The following TAOK1 variants were observed in gnomAD, a reference collection of about 807,000 sequenced individuals.
TAOK1 encodes TAO kinase 1.
TAOK1 carries 21 observed loss-of-function variants against 138.3 expected under a neutral mutation model. The observed-to-expected ratio is 0.15, with a 90% CI of 0.11 to 0.22. The LOEUF is 0.22. Ranked by LOEUF, TAOK1 falls within the 10% of genes least tolerant of loss-of-function variation. The pLI is 1.00. For missense variants in TAOK1, 651 were observed against 1,227.7 expected (o/e 0.53, Z 7.02); for synonymous variants, 361 against 398.4 (o/e 0.91, Z 1.12).
chr17:29,515,944 T>C (rs1045388282), intron 15 of TAOK1, among the ~76,000 whole-genome samples: 1 of 151,986 alleles, frequency 6.6e-6, no homozygotes, highest in African/African-American at 2.4e-5. Flanking sequence ...TTTTAATTTT[T>C]ATGTATGTAT....
At chr17:29,442,711 T>A (rs894482486) in intron 1 of TAOK1, among the ~76,000 whole-genome samples, 16 of 152,194 alleles carry the variant, frequency 1.1e-4, no homozygotes, top group African/African-American at 3.9e-4. Flanking sequence ...ATAAGTTTCC[T>A]ACAAAAATCT....
intron 1 of TAOK1, among the ~76,000 whole-genome samples, chr17:29,437,279 G>C (rs1017220471): frequency 6.6e-6 from 1 of 152,050 alleles, no homozygotes. Flanking sequence ...GGCCAGGCTG[G>C]TCTCAAGCTC....
At chr17:29,431,879 T>A (rs1905844791) in intron 1 of TAOK1, among the ~76,000 whole-genome samples, 1 of 148,790 alleles carries the variant, frequency 6.7e-6, no homozygotes, top group Non-Finnish European at 1.5e-5. Context: ...CGATCTCGGC[T>A]CACTGCAACC....
intron 16 of TAOK1, among the ~76,000 whole-genome samples, chr17:29,520,784 G>A (rs1346188240): frequency 6.6e-6 from 1 of 151,618 alleles, no homozygotes; most frequent in Non-Finnish European, 1.5e-5. Flanking sequence ...CCAGCACTTT[G>A]GGAGGCTGAG....
chr17:29,397,726 T>TATTCATGTATGC, intron 1 of TAOK1, among the ~76,000 whole-genome samples: 1 of 102,034 alleles, frequency 9.8e-6, no homozygotes. Context: ...CATGTATGTA[T>TATTCATGTATGC]ATACATATAT....
At chr17:29,502,829 C>A (rs533680408) in intron 13 of TAOK1, 106 bp downstream of exon 13, 2 of 1,245,488 alleles carry the variant, frequency 1.6e-6, no homozygotes, top group East Asian at 2.5e-5. Flanking sequence ...TTTTATTTTA[C>A]GAAATACTCA....
In TAOK1 at chr17:29,408,936, C is replaced by T. The variant is rs536867547; in HGVS notation, c.-95+17912C>T. ...CTGTATTGCCCAGGCTGGTCTCGAA[C>T]TCCTGAACTCAGGCAGTCCACCCGC... On this transcript the variant is annotated intron_variant, in intron 1 of 19. Coordinates refer to ENST00000261716, the MANE Select transcript of TAOK1 (RefSeq NM_020791.4). 2.0e-5 allele frequency among the ~76,000 whole-genome samples: 3 copies of T among 152,084 alleles called. No individual in the cohort carries two copies. In the South Asian group the frequency reaches 6.2e-4, roughly 32 times the overall value.
At chr17:29,432,363 G>A (rs1203331491) in intron 1 of TAOK1, among the ~76,000 whole-genome samples, 1 of 152,242 alleles carries the variant, frequency 6.6e-6, no homozygotes, top group Non-Finnish European at 1.5e-5. Context: ...TCCATCCTGG[G>A]TGGGCCAGGT....
chr17:29,508,035 G>A lies in TAOK1; in HGVS notation c.1478G>A (p.Arg493His), dbSNP rs187135015. Residue 493 changes from arginine (R) to histidine (H), a missense_variant, in exon 14 of 20, where the codon CGC becomes CAC. Physicochemically the swap from Arg to His is conservative, Grantham distance 29. This residue lies in a region of TAOK1 where 258 missense variants were observed against 548.9 expected (regional missense o/e 0.47). Coordinates refer to ENST00000261716, the MANE Select transcript of TAOK1 (RefSeq NM_020791.4). Reference sequence around the variant, plus strand: ...CTAAAGGCTGAGATGGATGAACATCGCCTCAGATTAGACAAAGATCTTGAA... The same window carrying A: ...CTAAAGGCTGAGATGGATGAACATCACCTCAGATTAGACAAAGATCTTGAA... ...NKLKAEMDEH[R>H]LRLDKDLETQ... The A allele has an allele frequency of 3.0e-5, 48 of 1,614,060 alleles. No homozygotes were observed. The highest frequency in any genetic ancestry group is 4.5e-5 in the East Asian group (2 of 44,870).
intron 18 of TAOK1, among the ~76,000 whole-genome samples, chr17:29,532,936 G>A (rs1331812450): frequency 7.3e-6 from 1 of 137,516 alleles, no homozygotes; most frequent in Non-Finnish European, 1.6e-5. Flanking sequence ...CCGGGTGGGG[G>A]GCTGACCCCC....
intron 1 of TAOK1, among the ~76,000 whole-genome samples, chr17:29,392,992 A>AT (rs571199575): frequency 3.3e-5 from 5 of 150,968 alleles, no homozygotes; most frequent in Admixed American, 6.6e-5. Context: ...AATAAGTTTT[A>AT]TTTTTTTTTC....
At chr17:29,435,633 T>G (rs1009790234) in intron 1 of TAOK1, among the ~76,000 whole-genome samples, 2 of 152,196 alleles carry the variant, frequency 1.3e-5, no homozygotes, top group African/African-American at 4.8e-5. Flanking sequence ...GTACAAGGAC[T>G]GCGAAGATGA....
intron 17 of TAOK1, among the ~76,000 whole-genome samples, chr17:29,529,861 CAA>C (rs35675934): frequency 5.6e-5 from 7 of 125,920 alleles, no homozygotes. Flanking sequence ...AGCGAGATTC[CAA>C]AAAAAAAAAA....
chr17:29,399,362 A>G (rs908893664), intron 1 of TAOK1, among the ~76,000 whole-genome samples: 1 of 148,782 alleles, frequency 6.7e-6, no homozygotes, highest in Non-Finnish European at 1.5e-5. Flanking sequence ...GTTGCCCAGG[A>G]TGGAGTGCAG....
At chr17:29,435,755 C>T (rs1278460316) in intron 1 of TAOK1, among the ~76,000 whole-genome samples, 1 of 152,228 alleles carries the variant, frequency 6.6e-6, no homozygotes, top group Non-Finnish European at 1.5e-5. Context: ...GTTAAAATAA[C>T]CATTTTCTCC....
intron 1 of TAOK1, among the ~76,000 whole-genome samples, chr17:29,442,524 G>A (rs938294810): frequency 4.7e-5 from 7 of 149,136 alleles, no homozygotes; most frequent in African/African-American, 1.5e-4. Flanking sequence ...ATTGTTTTTT[G>A]TAGAATGCTT....
intron 10 of TAOK1, among the ~76,000 whole-genome samples, chr17:29,494,262 G>T (rs1331411970): frequency 1.3e-5 from 2 of 152,026 alleles, no homozygotes; most frequent in Non-Finnish European, 2.9e-5. Flanking sequence ...TAGAGGCTGG[G>T]CGCAGTGGTG....
chr17:29,531,458 T>C (rs182244061), intron 18 of TAOK1, among the ~76,000 whole-genome samples: 1 of 109,968 alleles, frequency 9.1e-6, no homozygotes, highest in Non-Finnish European at 1.8e-5. Context: ...CTTTGTAAAC[T>C]TTTTTTTAAA....
chr17:29,462,443 T>C (rs188451359), intron 2 of TAOK1, among the ~76,000 whole-genome samples: 3 of 152,332 alleles, frequency 2.0e-5, no homozygotes, highest in Admixed American at 2.0e-4. Context: ...GAACACTGGC[T>C]TGGGAACCAG....
Sources: gnomAD v4.1 joint callset for allele counts (sites outside exome capture counted in the v4.1 genomes callset) on GRCh38, gnomAD v4.1.1 for gene constraint, gnomAD v4.1.1 regional missense constraint, MANE v1.5 for transcripts, NCBI Gene and HGNC (gene_info 2026-07-23, HGNC 2026-07-21) for gene names.